Variants in DCDC2 observed in about 807,000 individuals in gnomAD.
The protein encoded by DCDC2 is doublecortin domain containing 2.
In DCDC2, 40 loss-of-function variants were observed where a neutral mutation model predicts 50.2. The ratio of observed to expected loss-of-function variants is 0.80; its 90% CI spans 0.62 to 1.04. The LOEUF is 1.04. Among genes scored for constraint, DCDC2 ranks in the 50% least tolerant of loss-of-function variants. The probability of loss-of-function intolerance (pLI) is 0.00; values close to 1 mark genes in which losing one functional copy is unlikely to be tolerated. For synonymous variants in DCDC2, 234 were observed against 210.6 expected, an observed-to-expected ratio of 1.11 and a Z score of -0.96; for missense variants, 570 against 581.9, an observed-to-expected ratio of 0.98 and a Z score of 0.21.
intron 7 of DCDC2, among the ~76,000 whole-genome samples, chr6:24,225,807 A>C (rs1762221852): frequency 6.6e-6 from 1 of 152,212 alleles, no homozygotes; most frequent in Non-Finnish European, 1.5e-5. Flanking sequence ...ATTCAGCCTA[A>C]ATGAATTATT....
rs896349988 is a variant in DCDC2 at position 24,173,732 on chromosome 6, A to C, written c.*998T>G. The C allele has an allele frequency of 6.6e-6, 1 of 152,214 alleles. No homozygotes were observed. The highest frequency in any genetic ancestry group is 2.4e-5 in the African/African-American group (1 of 41,460). 9.4% of individuals were successfully genotyped at this position (152,214 alleles called of 1,614,324 possible). ...CTAGGAAAAATAAATATTTGCTGAT[A>C]TCCCTAGGGCAAAAACATAGTAAAA... On this transcript the variant is annotated 3_prime_UTR_variant, in exon 10 of 10. Transcript: ENST00000378454.
intron 7 of DCDC2, among the ~76,000 whole-genome samples, chr6:24,229,486 G>A (rs1762294886): frequency 6.6e-6 from 1 of 152,082 alleles, no homozygotes; most frequent in African/African-American, 2.4e-5. Context: ...CCCTTGCCGT[G>A]TAACATTTAT....
intron 8 of DCDC2, among the ~76,000 whole-genome samples, chr6:24,189,755 T>C (rs1265458807): frequency 6.6e-6 from 1 of 152,100 alleles, no homozygotes. Context: ...AAACTGGAGA[T>C]CAATAAAAAT....
chr6:24,199,248 C>T (rs944291681), intron 8 of DCDC2, among the ~76,000 whole-genome samples: 10 of 152,198 alleles, frequency 6.6e-5, no homozygotes, highest in Admixed American at 6.5e-4. Context: ...ACAGACACCT[C>T]ATAACAGGAG....
chr6:24,314,657 A>G (rs1759629986), intron 2 of DCDC2, among the ~76,000 whole-genome samples: 1 of 152,186 alleles, frequency 6.6e-6, no homozygotes, highest in African/African-American at 2.4e-5. Context: ...AAAAAAATGA[A>G]CATTGACTAG....
upstream of DCDC2, among the ~76,000 whole-genome samples, chr6:24,361,479 A>G (rs1007162604): frequency 6.6e-6 from 1 of 152,200 alleles, no homozygotes; most frequent in Non-Finnish European, 1.5e-5. Flanking sequence ...AAAGAGAACA[A>G]TACAGGGAGG....
At position 24,227,064 on chromosome 6, in the gene DCDC2, C is replaced by A. The variant is rs144395820; in HGVS notation, c.923-21962G>T. ...TACACAGAGAAGGGGATTGATCTTT[C>A]TTCTCCGACTGAGAAAGAACAAAAA... is the stretch of plus-strand genomic sequence containing the variant. On this transcript the variant is annotated intron_variant, in intron 7 of 9. Coordinates refer to ENST00000378454, the MANE Select transcript of DCDC2 (RefSeq NM_016356.5). Among the ~76,000 whole-genome samples the A allele has an allele frequency of 2.8e-3, 431 of 152,208 alleles. 2 individuals carry two copies. Among genetic ancestry groups the A allele is most frequent in the African/African-American group, 9.3e-3 (387 of 41,520 alleles).
At chr6:24,235,801 T>C (rs1561901181) in intron 7 of DCDC2, among the ~76,000 whole-genome samples, 1 of 152,148 alleles carries the variant, frequency 6.6e-6, no homozygotes. Flanking sequence ...GTAGCATTTC[T>C]ACACACCAAT....
At chr6:24,275,029 A>G (rs1019274582) in intron 7 of DCDC2, among the ~76,000 whole-genome samples, 1 of 147,850 alleles carries the variant, frequency 6.8e-6, no homozygotes, top group Admixed American at 6.7e-5. Context: ...CTAAAACCAA[A>G]TTTTTGCATT....
intron 7 of DCDC2, among the ~76,000 whole-genome samples, chr6:24,233,890 T>G (rs1762385169): frequency 6.6e-6 from 1 of 152,218 alleles, no homozygotes; most frequent in Non-Finnish European, 1.5e-5. Context: ...TTAAGTAAGT[T>G]CATTCAATGA....
At chr6:24,204,568 A>G (rs1374934189) in intron 8 of DCDC2, among the ~76,000 whole-genome samples, 2 of 152,170 alleles carry the variant, frequency 1.3e-5, no homozygotes, top group Non-Finnish European at 2.9e-5. Flanking sequence ...GCAAACCACC[A>G]TGGCACCTCT....
At chr6:24,358,815 AATAT>A (rs773876818), upstream of DCDC2, among the ~76,000 whole-genome samples, 1 of 51,032 alleles carries the variant, frequency 2.0e-5, no homozygotes, top group Non-Finnish European at 3.1e-5. Flanking sequence ...ATTATATATA[AATAT>A]ATATATTATA....
At position 24,172,050 on chromosome 6, in the gene DCDC2, T is replaced by C. The variant is rs1760790779; in HGVS notation, c.*2680A>G. 2 of 152,204 alleles carry C rather than the reference T, an allele frequency of 1.3e-5. No homozygotes were observed. The highest frequency in any genetic ancestry group is 1.3e-4 in the Admixed American group (2 of 15,278). 9.4% of individuals were successfully genotyped at this position (152,204 alleles called of 1,614,324 possible). A position where few individuals can be genotyped will look rare whatever the true frequency, so the allele number is the denominator to read the frequency against. On this transcript the variant is annotated 3_prime_UTR_variant, in exon 10 of 10. Transcript: ENST00000378454. ...ACATAAAAGGTCCCAGGTCTGTCAA[T>C]GAGTTTCATTTAATTTGGAGAGCCA...
chr6:24,306,470 C>T (rs1214949594), intron 2 of DCDC2, among the ~76,000 whole-genome samples: 1 of 150,946 alleles, frequency 6.6e-6, no homozygotes, highest in Admixed American at 6.6e-5. Flanking sequence ...TGGCAAAACC[C>T]CATTTCAAAC....
At chr6:24,368,507 C>G in the DCDC2 span, among the ~76,000 whole-genome samples, 1 of 152,080 alleles carries the variant, frequency 6.6e-6, no homozygotes, top group African/African-American at 2.4e-5. Flanking sequence ...ACTGATTTCT[C>G]AAAAGGAACA....
At chr6:24,185,057 A>G (rs780989174) in intron 8 of DCDC2, among the ~76,000 whole-genome samples, 10 of 152,250 alleles carry the variant, frequency 6.6e-5, no homozygotes, top group Non-Finnish European at 1.3e-4. Flanking sequence ...ATCTGGATTT[A>G]TACCTAAAAA....
intron 7 of DCDC2, among the ~76,000 whole-genome samples, chr6:24,275,998 T>C (rs1027080506): frequency 5.3e-5 from 8 of 150,738 alleles, no homozygotes; most frequent in African/African-American, 1.5e-4. Context: ...GCCTCTCAAG[T>C]AGCTAGGACT....
At chr6:24,193,179 A>C (rs1202102995) in intron 8 of DCDC2, among the ~76,000 whole-genome samples, 1 of 152,094 alleles carries the variant, frequency 6.6e-6, no homozygotes, top group African/African-American at 2.4e-5. Context: ...AAAAAAAGAT[A>C]TTTTCAGACA....
intron 7 of DCDC2, among the ~76,000 whole-genome samples, chr6:24,220,895 C>CGAGAGCGAGA (rs1208469095): frequency 2.6e-5 from 3 of 117,160 alleles, no homozygotes; most frequent in Non-Finnish European, 5.9e-5. Context: ...AGAGAGTGAG[C>CGAGAGCGAGA]GAGCGAGCGA....
Sources: gnomAD v4.1 joint callset for allele counts (sites outside exome capture counted in the v4.1 genomes callset) on GRCh38, gnomAD v4.1.1 for gene constraint, MANE v1.5 for transcripts, NCBI Gene and HGNC (gene_info 2026-07-23, HGNC 2026-07-21) for gene names.